TMEM117: variants seen among roughly 807,000 people sequenced by gnomAD.
TMEM117 encodes transmembrane protein 117.
In TMEM117, 27 loss-of-function variants were observed where a neutral mutation model predicts 52.4. The observed-to-expected ratio is 0.51, with a 90% CI of 0.38 to 0.71. The LOEUF (loss-of-function observed/expected upper bound fraction) is 0.71. Ranked by LOEUF, TMEM117 falls within the 30% of genes least tolerant of loss-of-function variation. The probability of loss-of-function intolerance (pLI) is 0.00; values close to 1 mark genes in which losing one functional copy is unlikely to be tolerated. For missense variants in TMEM117, 556 were observed against 630.5 expected (o/e 0.88, Z 1.26); for synonymous variants, 215 against 206.3 (o/e 1.04, Z -0.36).
intron 3 of TMEM117, among the ~76,000 whole-genome samples, chr12:43,951,096 G>T (rs1945214012): frequency 1.3e-5 from 2 of 152,184 alleles, no homozygotes; most frequent in East Asian, 3.9e-4. Flanking sequence ...GAAGTGGCGG[G>T]GGACTGTGCT....
At chr12:43,877,819 C>T (rs1337767844) in intron 2 of TMEM117, among the ~76,000 whole-genome samples, 1 of 150,634 alleles carries the variant, frequency 6.6e-6, no homozygotes, top group African/African-American at 2.4e-5. Context: ...ATGGTAATGC[C>T]CATGATACTA....
chr12:44,089,427 C>CT (rs1555200669), intron 3 of TMEM117, among the ~76,000 whole-genome samples: 1 of 152,150 alleles, frequency 6.6e-6, no homozygotes, highest in African/African-American at 2.4e-5. Flanking sequence ...GAGAAAGTCT[C>CT]TGTTTCTTCA....
At chr12:43,974,062 G>A (rs932989988) in intron 3 of TMEM117, among the ~76,000 whole-genome samples, 12 of 152,208 alleles carry the variant, frequency 7.9e-5, no homozygotes, top group Non-Finnish European at 1.6e-4. Flanking sequence ...ATAGAAAGAG[G>A]GCTTGATTAA....
At chr12:44,042,497 C>A (rs1946815461) in intron 3 of TMEM117, among the ~76,000 whole-genome samples, 1 of 151,910 alleles carries the variant, frequency 6.6e-6, no homozygotes, top group East Asian at 1.9e-4. Context: ...AGTCAGTGGG[C>A]TGGGGAAGGC....
upstream of TMEM117, among the ~76,000 whole-genome samples, chr12:43,831,006 C>A (rs1297514247): frequency 2.0e-5 from 3 of 152,132 alleles, no homozygotes; most frequent in Non-Finnish European, 4.4e-5. Flanking sequence ...AAGCAAAATT[C>A]AGGATATGGG....
chr12:43,897,827 T>C (rs983821992), intron 2 of TMEM117, among the ~76,000 whole-genome samples: 12 of 152,096 alleles, frequency 7.9e-5, no homozygotes, highest in Non-Finnish European at 1.8e-4. Flanking sequence ...GCCAGGCTGG[T>C]CTCAAACTCC....
intron 3 of TMEM117, among the ~76,000 whole-genome samples, chr12:44,134,650 C>A (rs1948463482): frequency 6.6e-6 from 1 of 152,196 alleles, no homozygotes; most frequent in African/African-American, 2.4e-5. Context: ...CAACCTCAGT[C>A]TACCAACTAC....
intron 6 of TMEM117, among the ~76,000 whole-genome samples, chr12:44,337,931 A>G (rs1382015588): frequency 6.6e-6 from 1 of 152,102 alleles, no homozygotes; most frequent in Admixed American, 6.6e-5. Flanking sequence ...ATGAATGATT[A>G]AGAACCACTG....
At position 44,028,946 on chromosome 12, in the gene TMEM117, G is replaced by A. The variant is rs145014339; in HGVS notation, c.410+84604G>A. On this transcript the variant is annotated intron_variant, in intron 3 of 7. Transcript: ENST00000266534. ...TGACCCAAATGCTAACTTTGGGTAAGTGGTGGGGTCCAGTAACTTCTTTCT... is the reference window on the plus strand; with the variant it reads ...TGACCCAAATGCTAACTTTGGGTAAATGGTGGGGTCCAGTAACTTCTTTCT... Among the ~76,000 whole-genome samples the A allele has an allele frequency of 3.5e-4, 54 of 152,246 alleles. 1 individual carries two copies. The East Asian group carries it at 9.9e-3, about 28-fold the overall frequency.
At chr12:43,953,358 G>T (rs1945255386) in intron 3 of TMEM117, among the ~76,000 whole-genome samples, 1 of 152,088 alleles carries the variant, frequency 6.6e-6, no homozygotes, top group African/African-American at 2.4e-5. Context: ...AGAATGGCAA[G>T]CTGGATACAA....
chr12:43,931,944 A>T (rs926201285), intron 2 of TMEM117, among the ~76,000 whole-genome samples: 1 of 152,258 alleles, frequency 6.6e-6, no homozygotes, highest in Admixed American at 6.5e-5. Context: ...CAGTGTTTTT[A>T]TGGGCGTTTG....
chr12:43,957,420 A>G (rs1039392079), intron 3 of TMEM117, among the ~76,000 whole-genome samples: 14 of 152,230 alleles, frequency 9.2e-5, no homozygotes, highest in African/African-American at 2.9e-4. Context: ...TGCAGTGACT[A>G]TACAATATGC....
At chr12:44,278,570 C>T (rs545103521) in intron 5 of TMEM117, among the ~76,000 whole-genome samples, 1 of 152,290 alleles carries the variant, frequency 6.6e-6, no homozygotes, top group Middle Eastern at 3.4e-3. Flanking sequence ...TGTGAGCTCT[C>T]TCTTCCCTCC....
At chr12:43,835,863 G>A (rs961905143), upstream of TMEM117, 3 of 152,044 alleles carry the variant, frequency 2.0e-5, no homozygotes, top group Non-Finnish European at 4.4e-5. Flanking sequence ...GGGGCGGGGA[G>A]AAGCCATGCC....
At chr12:44,151,907 A>G (rs1198938140) in intron 4 of TMEM117, among the ~76,000 whole-genome samples, 2 of 128,474 alleles carry the variant, frequency 1.6e-5, no homozygotes, top group Non-Finnish European at 3.1e-5. Flanking sequence ...ATCATTTAAT[A>G]TATAATATAT....
At chr12:44,149,569 G>T (rs1047011144) in intron 4 of TMEM117, among the ~76,000 whole-genome samples, 1 of 152,058 alleles carries the variant, frequency 6.6e-6, no homozygotes, top group African/African-American at 2.4e-5. Context: ...TTTAGGAAAG[G>T]AGTTAACTGT....
intron 3 of TMEM117, among the ~76,000 whole-genome samples, chr12:44,095,465 C>T (rs1395223614): frequency 1.3e-5 from 2 of 151,888 alleles, no homozygotes; most frequent in Non-Finnish European, 2.9e-5. Flanking sequence ...GATGGGACCA[C>T]TGGGAAGTAA....
At chr12:44,371,504 C>A (rs1951863479) in intron 6 of TMEM117, among the ~76,000 whole-genome samples, 1 of 152,084 alleles carries the variant, frequency 6.6e-6, no homozygotes, top group Non-Finnish European at 1.5e-5. Context: ...TAATTTTTAG[C>A]CTAGAAAATG....
chr12:43,830,863 G>A, the TMEM117 span, among the ~76,000 whole-genome samples: 10 of 152,126 alleles, frequency 6.6e-5, no homozygotes, highest in Non-Finnish European at 1.5e-4. Context: ...GACATGCAAA[G>A]CAGCTACTTC....
Sources: gnomAD v4.1 joint callset for allele counts (sites outside exome capture counted in the v4.1 genomes callset) on GRCh38, gnomAD v4.1.1 for gene constraint, MANE v1.5 for transcripts, NCBI Gene and HGNC (gene_info 2026-07-23, HGNC 2026-07-21) for gene names.